Variants in ABCA6 observed in about 807,000 individuals in gnomAD.
ABCA6 encodes the protein ATP binding cassette subfamily A member 6, also known as ATP-binding cassette sub-family A member 6.
ABCA6 carries 164 observed loss-of-function variants against 191.2 expected under a neutral mutation model. The observed-to-expected ratio is 0.86, with a 90% confidence interval of 0.76 to 0.98. The LOEUF (loss-of-function observed/expected upper bound fraction) is 0.98. Among genes scored for constraint, ABCA6 ranks in the 50% least tolerant of loss-of-function variants. ABCA6 has a pLI of 0.00. For missense variants in ABCA6, 1,958 were observed against 1,894.1 expected (o/e 1.03, Z -0.63); for synonymous variants, 636 against 647.7 (o/e 0.98, Z 0.27).
In ABCA6 at chr17:69,081,106, G is replaced by A. The variant is rs769359582; in HGVS notation, c.4656C>T (p.Asp1552=). The part of the protein sequence containing the change: ...SLLTYKLPVA[D]VYPLSQTFHK... ...GAAAGGTCTGTGATAGAGGGTAAAC[G>A]TCTGCCACGGGCAGCTTATAGGTTA... The change falls in exon 37 of 39, where the codon GAC becomes GAT. Residue 1552 remains aspartate (D), a synonymous_variant. Transcript: ENST00000284425. 8.7e-6 allele frequency: 14 copies of A among 1,604,596 alleles called. No individual in the cohort carries two copies. Among genetic ancestry groups the A allele is most frequent in the Admixed American group, 6.8e-5 (4 of 58,746 alleles).
intron 7 of ABCA6, 119 bp from the exon 8 acceptor site, chr17:69,128,923 G>A: frequency 1.3e-6 from 1 of 781,396 alleles, no homozygotes; most frequent in South Asian, 2.5e-5. Context: ...CAGTGAGAAA[G>A]TGGTGAAAAT....
At chr17:69,107,006 C>A (rs190490785) in intron 18 of ABCA6, among the ~76,000 whole-genome samples, 1 of 152,096 alleles carries the variant, frequency 6.6e-6, no homozygotes, top group African/African-American at 2.4e-5. Flanking sequence ...AATCATTACA[C>A]CTAAATATCT....
At chr17:69,112,396 A>T (rs2073441755) in intron 15 of ABCA6, 123 bp from the exon 16 acceptor site, 1 of 664,624 alleles carries the variant, frequency 1.5e-6, no homozygotes, top group Admixed American at 2.4e-5. Flanking sequence ...GTATAACTAG[A>T]TCTAGTGTGC....
chr17:69,092,062 T>G (rs1215809159), intron 25 of ABCA6, among the ~76,000 whole-genome samples: 1 of 152,206 alleles, frequency 6.6e-6, no homozygotes, highest in Non-Finnish European at 1.5e-5. Flanking sequence ...AAATGACTTT[T>G]CTGAGATTGT....
chr17:69,118,116 T>C, intron 10 of ABCA6, 160 bp from the exon 11 acceptor site: 1 of 464,650 alleles, frequency 2.2e-6, no homozygotes, highest in Non-Finnish European at 3.9e-6. Context: ...CTATTTTTGA[T>C]TACTTATTTC....
rs1471653135 is a variant in ABCA6 at position 69,128,679 on chromosome 17, T to C, written c.1059A>G (p.Ser353=). 6.2e-7 allele frequency: 1 copy of C among 1,613,380 alleles called. No homozygotes were observed. Among genetic ancestry groups the C allele is most frequent in the South Asian group, 1.1e-5 (1 of 91,008 alleles). Residue 353 remains serine, a synonymous_variant, in exon 8 of 39, where the codon TCA becomes TCG. Transcript: ENST00000284425. ...GFTVFYEQLP[S]SLEWILNICS... is the part of the protein sequence containing the mutation. ...AAATATTCAAAATCCACTCCAGAGA[T>C]GAAGGAAGTTGTTCATAAAATACAG...
At chr17:69,085,519 CAAAA>C (rs35438104) in intron 31 of ABCA6, 102 bp downstream of exon 31, 1,723 of 471,840 alleles carry the variant, frequency 3.7e-3, no homozygotes, top group South Asian at 5.7e-3. Context: ...TATCCAAAGG[CAAAA>C]AAAAAAAAAA....
In ABCA6 at chr17:69,084,321, G is replaced by C; in HGVS notation, c.4295C>G (p.Pro1432Arg). The change falls in exon 34 of 39, where the codon CCT (proline) becomes CGT (arginine). Residue 1432 changes from proline to arginine, a missense_variant. Coordinates refer to ENST00000284425, the MANE Select transcript of ABCA6 (RefSeq NM_080284.3). ...CFVLSLLGNS[P>R]VLLLDEPSTG... ...AGATGGTTCATCCAGGAGCAAGACA[G>C]GTGAGTTTCCCAGGAGGCTCAGCAC... 6.2e-7 allele frequency: 1 copy of C among 1,614,186 alleles called. No individual in the cohort carries two copies. The highest frequency in any genetic ancestry group is 8.5e-7 in the Non-Finnish European group (1 of 1,180,020).
chr17:69,116,360 A>G (rs1209797297), intron 11 of ABCA6, among the ~76,000 whole-genome samples: 2 of 152,088 alleles, frequency 1.3e-5, no homozygotes, highest in Non-Finnish European at 2.9e-5. Flanking sequence ...CAAATCCTCA[A>G]TGAAATCTAA....
At chr17:69,124,817 T>C in intron 9 of ABCA6, 71 bp downstream of exon 9, 1 of 862,418 alleles carries the variant, frequency 1.2e-6, no homozygotes, top group South Asian at 2.5e-5. Context: ...TAAAAGTCTA[T>C]ATAATCTTAA....
At chr17:69,108,574 A>T (rs1048861876) in intron 17 of ABCA6, 4 of 152,186 alleles carry the variant, frequency 2.6e-5, no homozygotes, top group Non-Finnish European at 4.4e-5. Flanking sequence ...TTCCTGGAGC[A>T]GTGCCATTTA....
intron 22 of ABCA6, 110 bp downstream of exon 22, chr17:69,100,687 A>C: frequency 8.4e-7 from 1 of 1,187,222 alleles, no homozygotes. Context: ...GGATAAAATA[A>C]TAATTTTCAG....
At chr17:69,121,195 G>A (rs1306652222) in intron 10 of ABCA6, among the ~76,000 whole-genome samples, 1 of 152,078 alleles carries the variant, frequency 6.6e-6, no homozygotes, top group Non-Finnish European at 1.5e-5. Context: ...CTACAGGTGG[G>A]GAAGAGTAAT....
Position 69,137,463 on chromosome 17 carries a change from G to A in ABCA6, c.134C>T (p.Ala45Val), listed in dbSNP as rs2073967528. Residue 45 changes from alanine (A) to valine (V), a missense_variant, in exon 3 of 39, where the codon GCT (alanine) becomes GTT (valine). Transcript: ENST00000284425. Reference protein sequence around the residue: ...GLSILLGLCIALFSSSMRNVQ... With the variant: ...GLSILLGLCIVLFSSSMRNVQ... Reference sequence around the variant, plus strand: ...ATTTCTCATGGAACTGGAAAACAGAGCAATACACAGTCCTAGAAGTATTGA... The same window carrying A: ...ATTTCTCATGGAACTGGAAAACAGAACAATACACAGTCCTAGAAGTATTGA... The A allele has an allele frequency of 6.2e-7, 1 of 1,613,600 alleles. No individual in the cohort carries two copies. Among genetic ancestry groups the A allele is most frequent in the South Asian group, 1.1e-5 (1 of 91,072 alleles).
chr17:69,101,415 C>A (rs2073177314), intron 21 of ABCA6, among the ~76,000 whole-genome samples: 1 of 151,744 alleles, frequency 6.6e-6, no homozygotes. Flanking sequence ...GCCAACATAG[C>A]AAAACCCTAT....
At chr17:69,083,446 G>GT (rs2072692584) in intron 34 of ABCA6, 115 bp from the exon 35 acceptor site, 1 of 1,038,144 alleles carries the variant, frequency 9.6e-7, no homozygotes, top group Non-Finnish European at 1.3e-6. Context: ...ATAGTGCAAT[G>GT]TAAGTACTGA....
At chr17:69,116,287 C>T (rs1396296130) in intron 11 of ABCA6, among the ~76,000 whole-genome samples, 1 of 152,058 alleles carries the variant, frequency 6.6e-6, no homozygotes, top group African/African-American at 2.4e-5. Flanking sequence ...ATTAACATGT[C>T]TTTCACAGGC....
At chr17:69,121,568 T>C (rs956697659) in intron 10 of ABCA6, among the ~76,000 whole-genome samples, 2 of 151,904 alleles carry the variant, frequency 1.3e-5, no homozygotes, top group South Asian at 2.1e-4. Flanking sequence ...ACTGTATACA[T>C]TGGCTAGGTT....
chr17:69,083,068 G>T, intron 35 of ABCA6, 55 bp from the exon 36 acceptor site: 1 of 1,598,064 alleles, frequency 6.3e-7, no homozygotes, highest in Non-Finnish European at 8.5e-7. Context: ...ATTTTTTAAT[G>T]TTATTCTTAA....
Sources: gnomAD v4.1 joint callset for allele counts (sites outside exome capture counted in the v4.1 genomes callset) on GRCh38, gnomAD v4.1.1 for gene constraint, MANE v1.5 for transcripts, NCBI Gene and HGNC (gene_info 2026-07-23, HGNC 2026-07-21) for gene names.